The following VRK2 variants were observed in gnomAD, a reference collection of about 807,000 sequenced individuals.
VRK2 encodes the protein VRK serine/threonine kinase 2, also known as serine/threonine-protein kinase VRK2.
A neutral mutation model predicts 57.6 loss-of-function variants in VRK2; 60 were observed. The observed-to-expected ratio is 1.04, with a 90% confidence interval of 0.85 to 1.29. VRK2 has a LOEUF of 1.29. Among genes scored for constraint, VRK2 ranks in the 50% most tolerant of loss-of-function variants. The pLI is 0.00. For missense variants in VRK2, 705 were observed against 588.1 expected, an observed-to-expected ratio of 1.20 and a Z score of -2.06; for synonymous variants, 231 against 199.2, an observed-to-expected ratio of 1.16 and a Z score of -1.35.
Position 57,997,326 on chromosome 2 carries a change from A to G in VRK2, c.-438-28339A>G, listed in dbSNP as rs370957523. ...AACATGTAAATATTACCAATATTGG[A>G]GATGCCAAGCAGAAAAGATGGGAAG... On this transcript the variant is annotated intron_variant, in intron 1 of 15. Transcript: ENST00000417641. Among the ~76,000 whole-genome samples the G allele has an allele frequency of 3.4e-4, 52 of 152,138 alleles. 1 individual carries two copies. The South Asian group carries it at 0.01, about 30-fold the overall frequency.
At chr2:58,087,860 G>T (rs1377929003) in intron 5 of VRK2, among the ~76,000 whole-genome samples, 2 of 152,116 alleles carry the variant, frequency 1.3e-5, no homozygotes, top group African/African-American at 4.8e-5. Flanking sequence ...GGTGGTGCAT[G>T]CCTGCAGTCC....
At position 58,052,742 on chromosome 2, in the gene VRK2, A is replaced by G. The variant is rs138847130; in HGVS notation, c.136+3775A>G. On this transcript the variant is annotated intron_variant, in intron 2 of 12. Coordinates refer to ENST00000340157, the MANE Select transcript of VRK2 (RefSeq NM_006296.7). ...TGTGGTAAAACTGAGAACATAGAGA[A>G]TGTCAGCATAAGACTTTATGACATT... Among the ~76,000 whole-genome samples, 186 of 152,314 alleles carry G rather than the reference A, an allele frequency of 1.2e-3. 2 individuals are homozygous for G. The highest frequency in any genetic ancestry group is 4.2e-3 in the African/African-American group (176 of 41,572).
chr2:57,941,784 A>G (rs1671102294), intron 1 of VRK2, among the ~76,000 whole-genome samples: 1 of 152,240 alleles, frequency 6.6e-6, no homozygotes, highest in South Asian at 2.1e-4. Context: ...GCTGCCATAG[A>G]CAATAAACAT....
intron 1 of VRK2, among the ~76,000 whole-genome samples, chr2:57,997,411 C>G (rs1423917349): frequency 1.3e-5 from 2 of 151,798 alleles, no homozygotes. Context: ...GCAATAAGAT[C>G]AATAAGAAAC....
intron 1 of VRK2, among the ~76,000 whole-genome samples, chr2:58,000,488 G>T (rs1017468471): frequency 3.9e-5 from 6 of 152,042 alleles, no homozygotes; most frequent in Non-Finnish European, 5.9e-5. Flanking sequence ...TTCTTGAAAG[G>T]CATTATAACT....
At chr2:57,997,821 T>C (rs114556367) in intron 1 of VRK2, among the ~76,000 whole-genome samples, 3,132 of 151,586 alleles carry the variant, frequency 0.021, 114 homozygotes, top group African/African-American at 0.073. Context: ...CAGGCTTGAG[T>C]TCCGAAGGCA....
chr2:57,975,493 A>T (rs900542765), intron 1 of VRK2, among the ~76,000 whole-genome samples: 1 of 152,118 alleles, frequency 6.6e-6, no homozygotes, highest in African/African-American at 2.4e-5. Context: ...TCTATTTTTT[A>T]AATTTCAATT....
chr2:58,156,147 A>G (rs921578272), intron 12 of VRK2, among the ~76,000 whole-genome samples: 5 of 152,096 alleles, frequency 3.3e-5, no homozygotes, highest in Non-Finnish European at 7.4e-5. Flanking sequence ...GATGCCCCTC[A>G]CTTTGATTTT....
chr2:58,070,082 T>C (rs1296444899), intron 2 of VRK2, among the ~76,000 whole-genome samples: 1 of 152,210 alleles, frequency 6.6e-6, no homozygotes, highest in East Asian at 1.9e-4. Context: ...TTGTTATAGT[T>C]TTCTTTATTA....
intron 10 of VRK2, among the ~76,000 whole-genome samples, chr2:58,138,247 C>T (rs1333229985): frequency 6.6e-6 from 1 of 151,896 alleles, no homozygotes; most frequent in Non-Finnish European, 1.5e-5. Context: ...TTTAATCATC[C>T]CTTTAGAAAT....
chr2:57,996,041 T>A (rs989512708), intron 1 of VRK2, among the ~76,000 whole-genome samples: 2 of 152,234 alleles, frequency 1.3e-5, no homozygotes, highest in African/African-American at 4.8e-5. Flanking sequence ...GTGCAACAAC[T>A]ATTTATAAAA....
At position 58,012,262 on chromosome 2, in the gene VRK2, G is replaced by A. The variant is rs550242962; in HGVS notation, c.-438-13403G>A. On this transcript the variant is annotated intron_variant, in intron 1 of 15. Coordinates refer to the VRK2 transcript ENST00000417641. ...CCCTCAGGGCTGCTATGTCTATGGA[G>A]TAGCCATTCTTTTATTCCTTTACTT... Among the ~76,000 whole-genome samples, 9 of 152,268 alleles carry A rather than the reference G, an allele frequency of 5.9e-5. No individual in the cohort carries two copies. The South Asian group carries it at 1.9e-3, about 32-fold the overall frequency.
intron 2 of VRK2, among the ~76,000 whole-genome samples, chr2:58,032,065 T>A (rs1259053042): frequency 6.6e-6 from 1 of 152,016 alleles, no homozygotes; most frequent in Non-Finnish European, 1.5e-5. Context: ...CTCAATCAAA[T>A]CCAAATTATT....
intron 1 of VRK2, among the ~76,000 whole-genome samples, chr2:57,987,071 A>T (rs1672619259): frequency 6.6e-6 from 1 of 152,224 alleles, no homozygotes; most frequent in South Asian, 2.1e-4. Flanking sequence ...CGGATGACAG[A>T]CATAAAAGTA....
At chr2:58,021,222 C>G (rs1262565881) in intron 1 of VRK2, among the ~76,000 whole-genome samples, 1 of 152,080 alleles carries the variant, frequency 6.6e-6, no homozygotes, top group South Asian at 2.1e-4. Flanking sequence ...AATTCCAGTA[C>G]AAATGAGTGA....
At chr2:58,138,266 C>G (rs537844263) in intron 10 of VRK2, among the ~76,000 whole-genome samples, 3 of 152,112 alleles carry the variant, frequency 2.0e-5, no homozygotes, top group African/African-American at 7.2e-5. Context: ...ATTGGATACC[C>G]CCGAGCCCTT....
At chr2:58,027,359 G>A (rs966352824) in intron 2 of VRK2, among the ~76,000 whole-genome samples, 3 of 152,168 alleles carry the variant, frequency 2.0e-5, no homozygotes, top group African/African-American at 7.2e-5. Context: ...AGGATCAGGG[G>A]TGGATAGTGG....
At chr2:57,918,846 C>T (rs1670240750) in intron 1 of VRK2, among the ~76,000 whole-genome samples, 1 of 152,058 alleles carries the variant, frequency 6.6e-6, no homozygotes, top group Non-Finnish European at 1.5e-5. Flanking sequence ...CAGTCTAATC[C>T]TGATCCTTCT....
chr2:58,023,523 C>A (rs1330666185), intron 1 of VRK2, among the ~76,000 whole-genome samples: 4 of 152,210 alleles, frequency 2.6e-5, no homozygotes, highest in East Asian at 3.9e-4. Context: ...GCCTTCAAAT[C>A]TGAAAGGTTA....
Sources: allele counts gnomAD v4.1 joint callset (sites outside exome capture counted in the v4.1 genomes callset), GRCh38; gene constraint gnomAD v4.1.1; transcripts MANE v1.5; gene names NCBI Gene and HGNC (gene_info 2026-07-23, HGNC 2026-07-21).